MARK4: variants seen among roughly 807,000 people sequenced by gnomAD.
MARK4 encodes the protein MAP/microtubule affinity-regulating kinase 4.
MARK4 carries 19 observed loss-of-function variants against 81.5 expected under a neutral mutation model. The ratio of observed to expected loss-of-function variants is 0.23; its 90% confidence interval spans 0.16 to 0.34. The LOEUF (loss-of-function observed/expected upper bound fraction) is 0.34, where lower values mean the gene tolerates loss of function less well. Among genes scored for constraint, MARK4 ranks in the 10% least tolerant of loss-of-function variants. MARK4 has a pLI of 1.00. For synonymous variants in MARK4, 436 were observed against 439.0 expected, an observed-to-expected ratio of 0.99 and a Z score of 0.08; for missense variants, 772 against 1,058.8, an observed-to-expected ratio of 0.73 and a Z score of 3.76.
Position 45,287,357 on chromosome 19 carries a change from C to T in MARK4, c.1277-90C>T, listed in dbSNP as rs982939174. On this transcript the variant is annotated intron_variant, in intron 12 of 16. Coordinates refer to ENST00000262891, the MANE Select transcript of MARK4 (RefSeq NM_001199867.2). ...TGGCCCACACAGAGATTGCAACCCA[C>T]GTGAGGAATTCTCAGGTTCCAACGA... The T allele has an allele frequency of 4.9e-5, 43 of 882,948 alleles. No individual in the cohort carries two copies. In the Admixed American group the frequency reaches 1.1e-3, roughly 22 times the overall value. The allele number at this position is 882,948 out of a possible 1,614,324, so 54.7% of individuals were successfully genotyped here. A position where few individuals can be genotyped will look rare whatever the true frequency, so the allele number is the denominator to read the frequency against.
In MARK4 at chr19:45,304,074, T is replaced by A. The variant is rs1051480378; in HGVS notation, c.*1364T>A. 6.6e-6 allele frequency: 1 copy of A among 152,270 alleles called. No homozygotes were observed. Among genetic ancestry groups the A allele is most frequent in the Non-Finnish European group, 1.5e-5 (1 of 68,046 alleles). 9.4% of individuals were successfully genotyped at this position (152,270 alleles called of 1,614,324 possible). On this transcript the variant is annotated 3_prime_UTR_variant, in exon 17 of 17. Transcript: ENST00000262891. ...AAAGGTATTTGTTGGTTTATGTTACTTAATAGTCCAGGGGCACCTGGCTTC... is the reference window on the plus strand; with the variant it reads ...AAAGGTATTTGTTGGTTTATGTTACATAATAGTCCAGGGGCACCTGGCTTC...
At chr19:45,264,498 A>G (rs1970423936) in intron 4 of MARK4, among the ~76,000 whole-genome samples, 186 bp from the exon 5 acceptor site, 1 of 151,598 alleles carries the variant, frequency 6.6e-6, no homozygotes, top group South Asian at 2.1e-4. Flanking sequence ...CTCAAAAAAA[A>G]AAAACGAAAG....
At chr19:45,294,923 G>C (rs1038525238) in intron 14 of MARK4, among the ~76,000 whole-genome samples, 8 of 152,170 alleles carry the variant, frequency 5.3e-5, no homozygotes, top group African/African-American at 1.9e-4. Context: ...GCCAGCTCCA[G>C]GATGAGGACA....
rs780648813 is a variant in MARK4, at chr19:45,294,485, G to A, written c.1598+33G>A. ...GGGGGCAGCAACAGGGTGAGGGGTG[G>A]GAAGTAGGGGGTAGGTGAACAGGAC... On this transcript the variant is annotated intron_variant, in intron 14 of 16. Coordinates refer to ENST00000262891, the MANE Select transcript of MARK4 (RefSeq NM_001199867.2). 3 of 1,580,526 alleles carry A rather than the reference G, an allele frequency of 1.9e-6. No homozygotes were observed. In the Admixed American group the frequency reaches 5.0e-5, roughly 26 times the overall value.
chr19:45,292,818 G>A (rs1324963024), intron 13 of MARK4, among the ~76,000 whole-genome samples: 2 of 152,010 alleles, frequency 1.3e-5, no homozygotes, highest in Non-Finnish European at 2.9e-5. Context: ...GCTGCAGTGA[G>A]CCATGATCAC....
rs2123118580 is a variant in MARK4, at chr19:45,302,248, C to T, written c.1923-126C>T. 1.3e-6 allele frequency: 2 copies of T among 1,548,824 alleles called. No individual in the cohort carries two copies. The highest frequency in any genetic ancestry group is 4.5e-5 in the East Asian group (2 of 44,264). On this transcript the variant is annotated intron_variant, in intron 16 of 16. Transcript: ENST00000262891. The surrounding 1 kb of genome is among the most constrained non-coding windows in gnomAD (Gnocchi z 4.9). Reference sequence around the variant, plus strand: ...CCAGTTGAAACTGTCGCTGGGGTAACAGGGGAAGATGTTTTTTGAGGGGAT... The same window carrying T: ...CCAGTTGAAACTGTCGCTGGGGTAATAGGGGAAGATGTTTTTTGAGGGGAT...
intron 2 of MARK4, among the ~76,000 whole-genome samples, chr19:45,262,620 C>G (rs1424969710): frequency 6.6e-6 from 1 of 152,228 alleles, no homozygotes; most frequent in African/African-American, 2.4e-5. Flanking sequence ...GGAGCAGCGT[C>G]AGCCAGGCCC....
intron 12 of MARK4, among the ~76,000 whole-genome samples, chr19:45,281,625 C>T (rs891772345): frequency 2.6e-5 from 4 of 152,138 alleles, no homozygotes; most frequent in Non-Finnish European, 5.9e-5. Context: ...TCCCAAGGTA[C>T]TGGGATTACA....
chr19:45,254,645 GGAGGCCAGGGT>G lies in MARK4; in HGVS notation c.51+3011_51+3021del, dbSNP rs148176375. Among the ~76,000 whole-genome samples, 426 of 152,328 alleles carry G rather than the reference GGAGGCCAGGGT, an allele frequency of 2.8e-3. 3 individuals carry two copies. Among genetic ancestry groups the G allele is most frequent in the African/African-American group, 9.7e-3 (404 of 41,584 alleles). ...TGCAGATCATAATTGGACCCACATT[GGAGGCCAGGGT>G]GAGGGCACGGCAGGCAGTGGCGGAC... On this transcript the variant is annotated intron_variant, in intron 1 of 16. Coordinates refer to ENST00000262891, the MANE Select transcript of MARK4 (RefSeq NM_001199867.2).
intron 2 of MARK4, 68 bp downstream of exon 2, chr19:45,259,257 T>C: frequency 6.4e-7 from 1 of 1,556,902 alleles, no homozygotes; most frequent in East Asian, 2.3e-5. Context: ...TGTATGTTGA[T>C]AGAGGTCAGG....
chr19:45,277,824 T>C, intron 8 of MARK4, 99 bp from the exon 9 acceptor site: 1 of 18,152 alleles, frequency 5.5e-5, no homozygotes, highest in Non-Finnish European at 7.5e-5. Flanking sequence ...GGACAAAGGT[T>C]GTGTGTGTGT....
chr19:45,254,954 A>C (rs1970288595), intron 1 of MARK4, among the ~76,000 whole-genome samples: 1 of 152,170 alleles, frequency 6.6e-6, no homozygotes, highest in Non-Finnish European at 1.5e-5. Flanking sequence ...TAATCCCAGA[A>C]CTTTGGGAGA....
At chr19:45,291,012 G>C (rs929243342) in intron 13 of MARK4, among the ~76,000 whole-genome samples, 4 of 152,196 alleles carry the variant, frequency 2.6e-5, no homozygotes, top group Non-Finnish European at 5.9e-5. Flanking sequence ...AGGTGGCACA[G>C]GAGGGAGGCC....
chr19:45,280,797 C>T (rs914711312), intron 12 of MARK4, 63 bp downstream of exon 12: 20 of 1,585,044 alleles, frequency 1.3e-5, no homozygotes, highest in Middle Eastern at 3.8e-4. Context: ...CTTACAGTTA[C>T]GTCAGGGTTC....
In MARK4 at chr19:45,303,159, C is replaced by T. The variant is rs1291076249; in HGVS notation, c.*449C>T. 1.6e-5 allele frequency: 3 copies of T among 191,146 alleles called. No homozygotes were observed. The highest frequency in any genetic ancestry group is 3.2e-5 in the Non-Finnish European group (3 of 92,534). 11.8% of individuals were successfully genotyped at this position (191,146 alleles called of 1,614,324 possible). On this transcript the variant is annotated 3_prime_UTR_variant, in exon 17 of 17. Coordinates refer to ENST00000262891, the MANE Select transcript of MARK4 (RefSeq NM_001199867.2). The stretch of plus-strand genomic sequence containing the variant: ...GATTCCTTCCCCTCCCGTCCCCTCA[C>T]GCTCAAACCCCCACTTCCTGCCCCA...
At chr19:45,277,555 A>G (rs56350268) in intron 8 of MARK4, among the ~76,000 whole-genome samples, 3,279 of 149,334 alleles carry the variant, frequency 0.022, 125 homozygotes, top group African/African-American at 0.076. Flanking sequence ...GTGCACCACC[A>G]TGCTCAGGTC....
At position 45,282,154 on chromosome 19, in the gene MARK4, C is replaced by T. The variant is rs186289757; in HGVS notation, c.1276+1420C>T. Among the ~76,000 whole-genome samples, 14 of 149,322 alleles carry T rather than the reference C, an allele frequency of 9.4e-5. No individual in the cohort carries two copies. In the South Asian group the frequency reaches 1.1e-3, roughly 11 times the overall value. On this transcript the variant is annotated intron_variant, in intron 12 of 16. Transcript: ENST00000262891. The stretch of plus-strand genomic sequence containing the variant: ...AGGAGAATTGCTTGAAACTGGGAGG[C>T]GGAGGTTGCAGTGAGCCGAGATCAT...
chr19:45,280,353 C>A (rs369307860), intron 10 of MARK4, 21 bp from the exon 11 acceptor site: 1 of 1,602,816 alleles, frequency 6.2e-7, no homozygotes, highest in Non-Finnish European at 8.5e-7. Flanking sequence ...TCTGAAACTT[C>A]TCTCCATCCC....
chr19:45,303,545 G>A lies in MARK4; in HGVS notation c.*835G>A, dbSNP rs1260423118. The A allele has an allele frequency of 3.9e-5, 6 of 152,090 alleles. No homozygotes were observed. Among genetic ancestry groups the A allele is most frequent in the East Asian group, 1.9e-4 (1 of 5,194 alleles). 9.4% of individuals were successfully genotyped at this position (152,090 alleles called of 1,614,324 possible). A position where few individuals can be genotyped will look rare whatever the true frequency, so the allele number is the denominator to read the frequency against. ...CGTGGAAGAAGGCAGGATGGAACTC[G>A]GCCTCATCCCCGAGGCCCCAGTTCC... On this transcript the variant is annotated 3_prime_UTR_variant, in exon 17 of 17. Transcript: ENST00000262891.
Sources: allele counts gnomAD v4.1 joint callset (sites outside exome capture counted in the v4.1 genomes callset), GRCh38; gene constraint gnomAD v4.1.1; non-coding constraint Gnocchi (gnomAD v3.1); transcripts MANE v1.5; gene names NCBI Gene and HGNC (gene_info 2026-07-23, HGNC 2026-07-21).